KIAA0319: variants seen among roughly 807,000 people sequenced by gnomAD.
KIAA0319 encodes dyslexia-associated protein KIAA0319.
In KIAA0319, 83 loss-of-function variants were observed where a neutral mutation model predicts 108.4. That is an observed-to-expected ratio of 0.77 (90% confidence interval 0.64 to 0.92). KIAA0319 has a LOEUF of 0.92. Among genes scored for constraint, KIAA0319 ranks in the 40% least tolerant of loss-of-function variants. The pLI, the probability that KIAA0319 is intolerant of heterozygous loss-of-function variation, is 0.00. For missense variants in KIAA0319, 1,195 were observed against 1,322.4 expected (o/e 0.90, Z 1.49); for synonymous variants, 484 against 510.4 (o/e 0.95, Z 0.70).
chr6:24,621,320 T>C (rs1773898553), intron 1 of KIAA0319, among the ~76,000 whole-genome samples: 1 of 152,178 alleles, frequency 6.6e-6, no homozygotes, highest in Non-Finnish European at 1.5e-5. Flanking sequence ...CTCACTTTAT[T>C]ATTGAAGCTT....
At chr6:24,585,612 C>T (rs1326812067) in intron 4 of KIAA0319, among the ~76,000 whole-genome samples, 2 of 152,158 alleles carry the variant, frequency 1.3e-5, no homozygotes, top group South Asian at 4.1e-4. Context: ...TATTCCTCTA[C>T]CCCCTCTGGC....
chr6:24,627,922 A>G (rs1774939961), intron 1 of KIAA0319, among the ~76,000 whole-genome samples: 1 of 152,260 alleles, frequency 6.6e-6, no homozygotes, highest in African/African-American at 2.4e-5. Context: ...AATGTTCACC[A>G]GAAGAATGCT....
At chr6:24,623,814 T>C (rs559319783) in intron 1 of KIAA0319, among the ~76,000 whole-genome samples, 1 of 152,118 alleles carries the variant, frequency 6.6e-6, no homozygotes, top group South Asian at 2.1e-4. Flanking sequence ...ATGATAAATA[T>C]TTGAGGTGAG....
At chr6:24,637,206 T>C (rs1197897808) in intron 1 of KIAA0319, among the ~76,000 whole-genome samples, 1 of 152,250 alleles carries the variant, frequency 6.6e-6, no homozygotes, top group Non-Finnish European at 1.5e-5. Flanking sequence ...GCAACAGTTT[T>C]TTGAGATGCT....
chr6:24,572,769 T>C, intron 10 of KIAA0319, 71 bp from the exon 11 acceptor site: 3 of 1,372,368 alleles, frequency 2.2e-6, no homozygotes, highest in Non-Finnish European at 2.9e-6. Context: ...GTAAATAGTA[T>C]GACAGAATGA....
intron 17 of KIAA0319, among the ~76,000 whole-genome samples, chr6:24,558,767 AG>A (rs1235385551): frequency 2.6e-5 from 4 of 152,238 alleles, no homozygotes; most frequent in Admixed American, 2.6e-4. Flanking sequence ...TTCTGCCAAT[AG>A]CCATTATCTT....
rs1020533845 is a variant in KIAA0319 at position 24,642,190 on chromosome 6, G to GAGAA, written c.-106+3542_-106+3545dup. 2.1e-5 allele frequency among the ~76,000 whole-genome samples: 3 copies of GAGAA among 141,712 alleles called. No individual in the cohort carries two copies. In the Admixed American group the frequency reaches 2.2e-4, roughly 10 times the overall value. The allele number at this position is 141,712 out of a possible 152,430, so 93.0% of individuals were successfully genotyped here. On this transcript the variant is annotated intron_variant, in intron 1 of 20. Coordinates refer to ENST00000378214, the MANE Select transcript of KIAA0319 (RefSeq NM_014809.4). Reference sequence around the variant, plus strand: ...GGGAAGTAAGGGAAAGAAAGAAAGAGAGAAAGAAAGAGAAAGAAGGAAAGG... The same window carrying GAGAA: ...GGGAAGTAAGGGAAAGAAAGAAAGAGAGAAAGAAAGAAAGAGAAAGAAGGAAAGG...
intron 1 of KIAA0319, among the ~76,000 whole-genome samples, chr6:24,638,483 G>A (rs7755563): frequency 0.7 from 107,182 of 152,128 alleles, 38,332 homozygotes; most frequent in East Asian, 0.87. Context: ...AGAGGCAGCC[G>A]GGCGTGGTGG....
intron 14 of KIAA0319, 81 bp downstream of exon 14, chr6:24,566,516 T>C (rs1763918064): frequency 8.2e-7 from 1 of 1,220,700 alleles, no homozygotes; most frequent in Non-Finnish European, 1.1e-6. Context: ...GAATATACCG[T>C]GATATATTGT....
chr6:24,607,904 C>T (rs1009827274), intron 1 of KIAA0319, among the ~76,000 whole-genome samples: 1 of 152,036 alleles, frequency 6.6e-6, no homozygotes, highest in African/African-American at 2.4e-5. Flanking sequence ...TTGCAGTCCC[C>T]AACTGTGAAC....
chr6:24,543,659 T>C (rs1760295270), downstream of KIAA0319, among the ~76,000 whole-genome samples: 2 of 152,198 alleles, frequency 1.3e-5, no homozygotes, highest in African/African-American at 4.8e-5. Context: ...CTCGAACTCC[T>C]GGACTCAAGT....
chr6:24,638,273 G>A (rs1231512959), intron 1 of KIAA0319, among the ~76,000 whole-genome samples: 5 of 152,240 alleles, frequency 3.3e-5, no homozygotes, highest in African/African-American at 1.2e-4. Context: ...TATATCAAAA[G>A]TTGTGTGATT....
Position 24,566,720 on chromosome 6 carries a change from A to G in KIAA0319, c.2169T>C (p.Ala723=). The change falls in exon 14 of 21, where the codon GCT becomes GCC. Residue 723 remains alanine, a synonymous_variant. Transcript: ENST00000378214. ...GAAGCACAAGAACATGTCTGCCACC[A>G]GCCCGGGCTCTGGGAGGACTATTAT... The part of the protein sequence containing the change: ...KENNSPPRAR[A]GGRHVLVLPN... 6.2e-7 allele frequency: 1 copy of G among 1,613,022 alleles called. No individual in the cohort carries two copies. The highest frequency in any genetic ancestry group is 1.1e-5 in the South Asian group (1 of 90,818).
downstream of KIAA0319, among the ~76,000 whole-genome samples, chr6:24,542,548 T>C (rs914691461): frequency 3.9e-5 from 6 of 152,058 alleles, no homozygotes; most frequent in South Asian, 4.2e-4. Flanking sequence ...CTGGAGAGCA[T>C]AGTGAGACTC....
chr6:24,582,276 T>A lies in KIAA0319; in HGVS notation c.1164A>T (p.Gly388=). The change falls in exon 6 of 21, where the codon GGA becomes GGT. Residue 388 remains glycine, a synonymous_variant. Coordinates refer to ENST00000378214, the MANE Select transcript of KIAA0319 (RefSeq NM_014809.4). ...GAGAGAGGTTAAGAGTTTGCTTGTG[T>A]CCTTGTTTTATTTCACCTTGGTAGT... ...PTDYQGEIKQ[G]HKQTLNLSQL... The A allele has an allele frequency of 6.2e-7, 1 of 1,608,818 alleles. No homozygotes were observed. Among genetic ancestry groups the A allele is most frequent in the Non-Finnish European group, 8.5e-7 (1 of 1,175,312 alleles).
Position 24,604,846 on chromosome 6 carries a change from G to A in KIAA0319, c.-105-3638C>T, listed in dbSNP as rs150064738. 7.2e-5 allele frequency among the ~76,000 whole-genome samples: 11 copies of A among 152,012 alleles called. No individual in the cohort carries two copies. The East Asian group carries it at 1.4e-3, about 19-fold the overall frequency. On this transcript the variant is annotated intron_variant, in intron 1 of 20. Coordinates refer to ENST00000378214, the MANE Select transcript of KIAA0319 (RefSeq NM_014809.4). ...GTGTTGCTCTTTTGTTTTTGTTTTC[G>A]TTTTTTATTTTGGGACAGAGTTTCG...
chr6:24,555,618 T>C (rs1762176916), intron 18 of KIAA0319, among the ~76,000 whole-genome samples: 1 of 152,318 alleles, frequency 6.6e-6, no homozygotes. Flanking sequence ...GAATATACTT[T>C]GGCAGTCAGC....
At chr6:24,563,331 G>GGCCCC (rs1763358911) in intron 16 of KIAA0319, 28 bp downstream of exon 16, 1 of 1,596,110 alleles carries the variant, frequency 6.3e-7, no homozygotes, top group Non-Finnish European at 8.6e-7. Flanking sequence ...GTACGGCCAA[G>GGCCCC]GCCCCGCCTT....
intron 4 of KIAA0319, among the ~76,000 whole-genome samples, chr6:24,584,833 A>G (rs1022629779): frequency 4.6e-5 from 7 of 152,258 alleles, no homozygotes; most frequent in Non-Finnish European, 5.9e-5. Flanking sequence ...AAGGGCTTTA[A>G]AATGATCAAT....
Sources: gnomAD v4.1 joint callset for allele counts (sites outside exome capture counted in the v4.1 genomes callset) on GRCh38, gnomAD v4.1.1 for gene constraint, MANE v1.5 for transcripts, NCBI Gene and HGNC (gene_info 2026-07-23, HGNC 2026-07-21) for gene names.